Variants in MTX3 observed in about 807,000 individuals in gnomAD.
MTX3 encodes metaxin 3, also known as metaxin-3.
MTX3 carries 27 observed loss-of-function variants against 42.5 expected under a neutral mutation model. The observed-to-expected ratio is 0.64, with a 90% CI of 0.47 to 0.88. The LOEUF (loss-of-function observed/expected upper bound fraction) is 0.88, where lower values mean the gene tolerates loss of function less well. Ranked by LOEUF, MTX3 falls within the 40% of genes least tolerant of loss-of-function variation. MTX3 has a pLI of 0.00. For missense variants in MTX3, 378 were observed against 367.0 expected, an observed-to-expected ratio of 1.03 and a Z score of -0.25; for synonymous variants, 144 against 132.9, an observed-to-expected ratio of 1.08 and a Z score of -0.57.
Position 79,988,124 on chromosome 5 carries a change from G to C in MTX3, c.581+115C>G. 3 of 692,354 alleles carry C rather than the reference G, an allele frequency of 4.3e-6. No individual in the cohort carries two copies. In the South Asian group the frequency reaches 5.6e-5, roughly 13 times the overall value. The allele number at this position is 692,354 out of a possible 1,614,324, so 42.9% of individuals were successfully genotyped here. On this transcript the variant is annotated intron_variant, in intron 6 of 8. Coordinates refer to ENST00000512528, the MANE Select transcript of MTX3 (RefSeq NM_001363818.2). The stretch of plus-strand genomic sequence containing the variant: ...GAGCCACCACACCGGCCTAAATCTT[G>C]TTTTTTTTAAGTAAAAAACTCATCT...
At position 79,990,159 on chromosome 5, in the gene MTX3, C is replaced by T; in HGVS notation, c.228+1G>A. ...CTACTTCTTCAAAGTGAACCACCCACCTGTTTTCTTAAAAAGTTTAGTATT... is the reference window on the plus strand; with the variant it reads ...CTACTTCTTCAAAGTGAACCACCCATCTGTTTTCTTAAAAAGTTTAGTATT... On this transcript the variant is annotated splice_donor_variant, in intron 3 of 8. Transcript: ENST00000512528. LOFTEE classifies it high-confidence loss of function. 1 of 1,600,838 alleles carries T rather than the reference C, an allele frequency of 6.2e-7. No homozygotes were observed. Among genetic ancestry groups the T allele is most frequent in the East Asian group, 2.2e-5 (1 of 44,546 alleles).
Position 79,977,294 on chromosome 5 carries a change from C to T in MTX3, c.*6390G>A, listed in dbSNP as rs890225604. 2.6e-5 allele frequency: 4 copies of T among 152,158 alleles called. No homozygotes were observed. Among genetic ancestry groups the T allele is most frequent in the African/African-American group, 9.7e-5 (4 of 41,412 alleles). The allele number at this position is 152,158 out of a possible 1,614,324, so 9.4% of individuals were successfully genotyped here. A position where few individuals can be genotyped will look rare whatever the true frequency, so the allele number is the denominator to read the frequency against. On this transcript the variant is annotated 3_prime_UTR_variant, in exon 9 of 9. Transcript: ENST00000512528. ...GCCAGTGGTCCAAAGAATAAATGGC[C>T]CCATGACCTTCTCTATGGTTCATGA...
rs1377422928 is a variant in MTX3 at position 79,976,950 on chromosome 5, G to A, written c.*6734C>T. 6.6e-6 allele frequency: 1 copy of A among 152,474 alleles called. No homozygotes were observed. Among genetic ancestry groups the A allele is most frequent in the Non-Finnish European group, 1.5e-5 (1 of 68,034 alleles). The allele number at this position is 152,474 out of a possible 1,614,324, so 9.4% of individuals were successfully genotyped here. ...TTGTTTACTTTATAAAGAAGCTAGA[G>A]TAGTTGTGCAACTAGAACAGATGTT... On this transcript the variant is annotated 3_prime_UTR_variant, in exon 9 of 9. Coordinates refer to ENST00000512528, the MANE Select transcript of MTX3 (RefSeq NM_001363818.2).
rs1831322147 is a variant in MTX3, at chr5:79,979,310, T to C, written c.*4374A>G. On this transcript the variant is annotated 3_prime_UTR_variant, in exon 9 of 9. Coordinates refer to ENST00000512528, the MANE Select transcript of MTX3 (RefSeq NM_001363818.2). The stretch of plus-strand genomic sequence containing the variant: ...ATGGGCTTACTGACCTGACCTTTGA[T>C]TTCACGTAACTAACAACAAATTTCT... The C allele has an allele frequency of 6.6e-6, 1 of 152,208 alleles. No individual in the cohort carries two copies. Among genetic ancestry groups the C allele is most frequent in the African/African-American group, 2.4e-5 (1 of 41,460 alleles). 9.4% of individuals were successfully genotyped at this position (152,208 alleles called of 1,614,324 possible). A position where few individuals can be genotyped will look rare whatever the true frequency, so the allele number is the denominator to read the frequency against.
intron 1 of MTX3, 95 bp downstream of exon 1, chr5:79,991,063 G>T: frequency 7.8e-7 from 1 of 1,281,444 alleles, no homozygotes; most frequent in Non-Finnish European, 1.1e-6. Context: ...CGGCCCTCCT[G>T]GACCCCGCAG....
rs142275508 is a variant in MTX3 at position 79,988,276 on chromosome 5, T to C, written c.544A>G (p.Asn182Asp). The C allele has an allele frequency of 4.5e-4, 700 of 1,555,572 alleles. 5 individuals are homozygous for C. The African/African-American group carries it at 8.2e-3, about 18-fold the overall frequency. ...DAKECLNLLS[N>D]RLGTSQFFFG... ...AAAAACTGAGATGTTCCCAATCTGT[T>C]TGATAGAAGATTTAGGCACTCCTTG... is the stretch of plus-strand genomic sequence containing the variant. The change falls in exon 6 of 9, where the codon AAC (asparagine) becomes GAC (aspartate). Residue 182 changes from asparagine to aspartate, a missense_variant. Asn to Asp is a conservative substitution (Grantham distance 23). Coordinates refer to ENST00000512528, the MANE Select transcript of MTX3 (RefSeq NM_001363818.2).
chr5:79,982,568 C>A lies in MTX3; in HGVS notation c.*1116G>T. 5.8e-6 allele frequency: 2 copies of A among 343,056 alleles called. No homozygotes were observed. The highest frequency in any genetic ancestry group is 5.8e-6 in the Non-Finnish European group (1 of 172,458). 21.3% of individuals were successfully genotyped at this position (343,056 alleles called of 1,614,324 possible). ...GTTTCTATTATAAGTAAAATTACCA[C>A]ACAGCAAATCCCTTAACAGTTCAGC... On this transcript the variant is annotated 3_prime_UTR_variant, in exon 9 of 9. Coordinates refer to ENST00000512528, the MANE Select transcript of MTX3 (RefSeq NM_001363818.2).
chr5:79,990,987 G>C (rs773088332), intron 1 of MTX3, 171 bp downstream of exon 1: 113 of 769,572 alleles, frequency 1.5e-4, no homozygotes, highest in South Asian at 1.4e-3. Flanking sequence ...GCCTTCGGCG[G>C]GGGTATCGGC....
rs1221643452 is a variant in MTX3 at position 79,981,209 on chromosome 5, G to A, written c.*2475C>T. The A allele has an allele frequency of 2.0e-5, 3 of 151,900 alleles. No homozygotes were observed. The highest frequency in any genetic ancestry group is 4.8e-5 in the African/African-American group (2 of 41,338). 9.4% of individuals were successfully genotyped at this position (151,900 alleles called of 1,614,324 possible). On this transcript the variant is annotated 3_prime_UTR_variant, in exon 9 of 9. Coordinates refer to ENST00000512528, the MANE Select transcript of MTX3 (RefSeq NM_001363818.2). ...AAAAGTTCTTTTCTAAGAGCTTCCTGTATGTGTGGCTGCTCCCTAAAGTAC... is the reference window on the plus strand; with the variant it reads ...AAAAGTTCTTTTCTAAGAGCTTCCTATATGTGTGGCTGCTCCCTAAAGTAC...
chr5:79,982,419 G>A lies in MTX3; in HGVS notation c.*1265C>T, dbSNP rs946149856. On this transcript the variant is annotated 3_prime_UTR_variant, in exon 9 of 9. Transcript: ENST00000512528. ...TAACATATGGGTTCCTGCACGACTT[G>A]ATAAGATTTGCTGAGCACCACAGTA... is the stretch of plus-strand genomic sequence containing the variant. 9 of 456,432 alleles carry A rather than the reference G, an allele frequency of 2.0e-5. No individual in the cohort carries two copies. The highest frequency in any genetic ancestry group is 1.6e-4 in the African/African-American group (8 of 50,060). The allele number at this position is 456,432 out of a possible 1,614,324, so 28.3% of individuals were successfully genotyped here.
chr5:79,977,780 T>C lies in MTX3; in HGVS notation c.*5904A>G, dbSNP rs987450999. On this transcript the variant is annotated 3_prime_UTR_variant, in exon 9 of 9. Transcript: ENST00000512528. ...TGAACAAAACTGGAAAATATTAAAC[T>C]TCCTTTGCTTTGTCACTGAGCAACT... 3 of 152,228 alleles carry C rather than the reference T, an allele frequency of 2.0e-5. No individual in the cohort carries two copies. Among genetic ancestry groups the C allele is most frequent in the African/African-American group, 7.2e-5 (3 of 41,470 alleles). The allele number at this position is 152,228 out of a possible 1,614,324, so 9.4% of individuals were successfully genotyped here. A position where few individuals can be genotyped will look rare whatever the true frequency, so the allele number is the denominator to read the frequency against.
At chr5:79,985,535 A>C in intron 8 of MTX3, 36 bp downstream of exon 8, 2 of 1,415,414 alleles carry the variant, frequency 1.4e-6, no homozygotes, top group Non-Finnish European at 2.0e-6. Context: ...AAAGGAAAAT[A>C]CTGAACTATG....
At position 79,990,202 on chromosome 5, in the gene MTX3, C is replaced by T; in HGVS notation, c.186G>A (p.Met62Ile). 6.2e-7 allele frequency: 1 copy of T among 1,610,040 alleles called. No homozygotes were observed. Among genetic ancestry groups the T allele is most frequent in the Non-Finnish European group, 8.5e-7 (1 of 1,178,238 alleles). ...DVPILTTEDDMVSQPAKILNF... is the reference protein window; with the variant it reads ...DVPILTTEDDIVSQPAKILNF... ...TTAGTATTTTTGCTGGCTGAGAAAC[C>T]ATGTCGTCTTCAGTTGTCAAAATTG... Residue 62 changes from methionine (M) to isoleucine (I), a missense_variant, in exon 3 of 9, where the codon ATG becomes ATA. Physicochemically the swap from Met to Ile is conservative, Grantham distance 10. Transcript: ENST00000512528.
At position 79,989,229 on chromosome 5, in the gene MTX3, A is replaced by C; in HGVS notation, c.244T>G (p.Tyr82Asp). 1 of 1,595,994 alleles carries C rather than the reference A, an allele frequency of 6.3e-7. No homozygotes were observed. Among genetic ancestry groups the C allele is most frequent in the Non-Finnish European group, 8.6e-7 (1 of 1,169,064 alleles). Residue 82 changes from tyrosine (Y) to aspartate (D), a missense_variant, in exon 4 of 9, where the codon TAT becomes GAT. Coordinates refer to ENST00000512528, the MANE Select transcript of MTX3 (RefSeq NM_001363818.2). The part of the protein sequence containing the change: ...FLRKQKYNAD[Y>D]ELSAKQGADT... ...GCCCCTTGTTTTGCTGAGAGTTCAT[A>C]ATCAGCATTATATTTCTATTAAAAA... is the stretch of plus-strand genomic sequence containing the variant.
At chr5:79,990,098 T>C (rs1831596962) in intron 3 of MTX3, 62 bp downstream of exon 3, 4 of 987,166 alleles carry the variant, frequency 4.1e-6, no homozygotes. Context: ...ATAAATAAAA[T>C]AAAGCCCAAC....
chr5:79,990,302 C>G, intron 2 of MTX3, 66 bp from the exon 3 acceptor site: 2 of 1,118,382 alleles, frequency 1.8e-6, no homozygotes, highest in Admixed American at 2.7e-5. Flanking sequence ...TTCCAATATC[C>G]TAAAAACTAT....
At position 79,988,664 on chromosome 5, in the gene MTX3, A is replaced by T. The variant is rs771893949; in HGVS notation, c.322-20T>A. 2.6e-6 allele frequency: 4 copies of T among 1,542,360 alleles called. No individual in the cohort carries two copies. In the African/African-American group the frequency reaches 4.3e-5, roughly 17 times the overall value. On this transcript the variant is annotated intron_variant, in intron 4 of 8. Coordinates refer to ENST00000512528, the MANE Select transcript of MTX3 (RefSeq NM_001363818.2). ...GTGAAGCTGCAAAAGAAGAGAAAAAACACTACAAGGATGTTCTTTTATTAA... is the reference window on the plus strand; with the variant it reads ...GTGAAGCTGCAAAAGAAGAGAAAAATCACTACAAGGATGTTCTTTTATTAA...
Position 79,982,765 on chromosome 5 carries a change from T to C in MTX3, c.*919A>G, listed in dbSNP as rs1831402043. Reference sequence around the variant, plus strand: ...CTTATGAAAGAATATGAGCCAAGCATAGAAAACTTGGACCAGATGCACAGT... The same window carrying C: ...CTTATGAAAGAATATGAGCCAAGCACAGAAAACTTGGACCAGATGCACAGT... On this transcript the variant is annotated 3_prime_UTR_variant, in exon 9 of 9. Transcript: ENST00000512528. 2 of 205,454 alleles carry C rather than the reference T, an allele frequency of 9.7e-6. No homozygotes were observed. Among genetic ancestry groups the C allele is most frequent in the Middle Eastern group, 2.1e-3 (1 of 478 alleles). 12.7% of individuals were successfully genotyped at this position (205,454 alleles called of 1,614,324 possible).
chr5:79,986,286 C>T (rs1282733556), intron 7 of MTX3, among the ~76,000 whole-genome samples: 1 of 152,138 alleles, frequency 6.6e-6, no homozygotes, highest in Non-Finnish European at 1.5e-5. Context: ...ATACAGAATA[C>T]ATAACCCACC....
Sources: gnomAD v4.1 joint callset for allele counts (sites outside exome capture counted in the v4.1 genomes callset) on GRCh38, gnomAD v4.1.1 for gene constraint, MANE v1.5 for transcripts, NCBI Gene and HGNC (gene_info 2026-07-23, HGNC 2026-07-21) for gene names.